HEMK2: variants seen among roughly 807,000 people sequenced by gnomAD.
The protein encoded by HEMK2 is methyltransferase HEMK2.
At chr21:28,764,777 T>G in the HEMK2 span, among the ~76,000 whole-genome samples, 3 of 152,106 alleles carry the variant, frequency 2.0e-5, no homozygotes, top group Non-Finnish European at 2.9e-5. Context: ...AATCAGGTAA[T>G]GTGATTATTT....
chr21:28,831,518 A>AGAAAGAAAGAAAGAAAGAAAGAAAGAAG, the HEMK2 span, among the ~76,000 whole-genome samples: 2 of 76,722 alleles, frequency 2.6e-5, no homozygotes, highest in Non-Finnish European at 4.5e-5. Context: ...AAAGAAAGAA[A>AGAAAGAAAGAAAGAAAGAAAGAAAGAAG]GAAAGAAGGA....
chr21:28,736,793 TA>T, the HEMK2 span, among the ~76,000 whole-genome samples: 35,772 of 141,266 alleles, frequency 0.25, 5,179 homozygotes, highest in African/African-American at 0.41. Flanking sequence ...TGGATACAAT[TA>T]AAAAAAAAAA....
chr21:28,865,993 T>C, the HEMK2 span, among the ~76,000 whole-genome samples: 4 of 151,372 alleles, frequency 2.6e-5, no homozygotes, highest in Non-Finnish European at 5.9e-5. Context: ...ACTGTCCTTT[T>C]ATTGGCCAAT....
the HEMK2 span, among the ~76,000 whole-genome samples, chr21:28,685,695 A>G: frequency 0.2 from 30,061 of 152,212 alleles, 3,196 homozygotes; most frequent in East Asian, 0.38. Context: ...TATTGCAATA[A>G]GGAAACATGT....
At chr21:28,866,897 A>G in the HEMK2 span, among the ~76,000 whole-genome samples, 2 of 152,342 alleles carry the variant, frequency 1.3e-5, no homozygotes, top group South Asian at 2.1e-4. Flanking sequence ...CAATAAAGCA[A>G]AAATACCTAA....
chr21:28,825,094 G>A, the HEMK2 span, among the ~76,000 whole-genome samples: 1 of 152,178 alleles, frequency 6.6e-6, no homozygotes, highest in Non-Finnish European at 1.5e-5. Context: ...TGGGCAGGGA[G>A]TGGGACAATC....
chr21:28,873,611 C>G, the HEMK2 span: 1 of 152,312 alleles, frequency 6.6e-6, no homozygotes, highest in Non-Finnish European at 1.5e-5. Context: ...AATCACAGGG[C>G]ATGATAACAC....
chr21:28,729,569 C>T, the HEMK2 span, among the ~76,000 whole-genome samples: 1 of 147,456 alleles, frequency 6.8e-6, no homozygotes, highest in African/African-American at 2.5e-5. Context: ...CTGGTCCACA[C>T]TGGAAAAAGA....
At chr21:28,831,667 G>GAAAGA in the HEMK2 span, among the ~76,000 whole-genome samples, 1 of 55,764 alleles carries the variant, frequency 1.8e-5, no homozygotes, top group Non-Finnish European at 3.3e-5. Flanking sequence ...AAGAAAGAAA[G>GAAAGA]AAAGAAAGAA....
chr21:28,609,134 T>G, the HEMK2 span, among the ~76,000 whole-genome samples: 1 of 152,024 alleles, frequency 6.6e-6, no homozygotes, highest in East Asian at 1.9e-4. Context: ...CCAAGAACCC[T>G]CACAGAATCC....
chr21:28,722,604 G>A, the HEMK2 span, among the ~76,000 whole-genome samples: 365 of 152,266 alleles, frequency 2.4e-3, 2 homozygotes, highest in African/African-American at 7.8e-3. Context: ...TCCATAGGCC[G>A]GGCACGGTGG....
At chr21:28,638,708 A>T in the HEMK2 span, among the ~76,000 whole-genome samples, 1 of 152,066 alleles carries the variant, frequency 6.6e-6, no homozygotes, top group Non-Finnish European at 1.5e-5. Flanking sequence ...GTCAGCTGGC[A>T]AATTGTCTGG....
At chr21:28,835,069 C>T in the HEMK2 span, among the ~76,000 whole-genome samples, 71 of 152,210 alleles carry the variant, frequency 4.7e-4, no homozygotes, top group East Asian at 0.012. Flanking sequence ...ACCCTGGTCA[C>T]GGAAGACAAA....
the HEMK2 span, among the ~76,000 whole-genome samples, chr21:28,691,399 C>A: frequency 6.6e-6 from 1 of 152,124 alleles, no homozygotes; most frequent in African/African-American, 2.4e-5. Context: ...GTTCACTCCA[C>A]GTCAGTTAAA....
At chr21:28,781,481 AG>A in the HEMK2 span, among the ~76,000 whole-genome samples, 1 of 96 alleles carries the variant, frequency 0.01, no homozygotes, top group Non-Finnish European at 0.019. Flanking sequence ...ATAATCTTGA[AG>A]GATTTCACAG....
the HEMK2 span, among the ~76,000 whole-genome samples, chr21:28,798,047 T>A: frequency 6.6e-6 from 1 of 152,182 alleles, no homozygotes; most frequent in East Asian, 1.9e-4. Flanking sequence ...TAGGCTTAGT[T>A]TCTGCCAACA....
chr21:28,838,316 C>A, the HEMK2 span, among the ~76,000 whole-genome samples: 1 of 151,938 alleles, frequency 6.6e-6, no homozygotes, highest in Non-Finnish European at 1.5e-5. Context: ...AGGTGGATCA[C>A]GAGGTCAGGA....
At chr21:28,820,377 T>G in the HEMK2 span, among the ~76,000 whole-genome samples, 12,460 of 152,128 alleles carry the variant, frequency 0.082, 1,156 homozygotes, top group African/African-American at 0.22. Context: ...CCCTGAGTTT[T>G]CATTAACTGA....
the HEMK2 span, among the ~76,000 whole-genome samples, chr21:28,584,669 A>C: frequency 6.6e-6 from 1 of 152,164 alleles, no homozygotes; most frequent in Non-Finnish European, 1.5e-5. Context: ...AATGGTGATC[A>C]GTGGGCCCAG....
Sources: allele counts gnomAD v4.1 joint callset (sites outside exome capture counted in the v4.1 genomes callset), GRCh38; gene constraint gnomAD v4.1.1; transcripts MANE v1.5; gene names NCBI Gene and HGNC (gene_info 2026-07-23, HGNC 2026-07-21).